SENP7: variants seen among roughly 807,000 people sequenced by gnomAD.
The protein encoded by SENP7 is SUMO specific peptidase 7, also known as sentrin-specific protease 7.
Under a neutral mutation model 141.2 loss-of-function variants are expected in SENP7, and 64 were observed. That is an observed-to-expected ratio of 0.45 (90% CI 0.37 to 0.56). The LOEUF (loss-of-function observed/expected upper bound fraction) is 0.56, where lower values mean the gene tolerates loss of function less well. Among genes scored for constraint, SENP7 ranks in the 20% least tolerant of loss-of-function variants. The probability of loss-of-function intolerance (pLI) is 0.00; values close to 1 mark genes in which losing one functional copy is unlikely to be tolerated. For missense variants in SENP7, 1,025 were observed against 1,212.2 expected (o/e 0.85, Z 2.29); for synonymous variants, 382 against 426.4 (o/e 0.90, Z 1.28).
chr3:101,433,856 G>C (rs1233989811), intron 4 of SENP7, among the ~76,000 whole-genome samples: 3 of 152,050 alleles, frequency 2.0e-5, no homozygotes, highest in African/African-American at 7.2e-5. Context: ...GCACTGGACA[G>C]ATCTTCCAGA....
intron 4 of SENP7, among the ~76,000 whole-genome samples, chr3:101,444,942 C>T (rs2107795325): frequency 6.6e-6 from 1 of 151,446 alleles, no homozygotes; most frequent in African/African-American, 2.4e-5. Flanking sequence ...CTAAAATTTC[C>T]CAACTCTTAT....
At chr3:101,369,485 C>T (rs1048467644) in intron 7 of SENP7, among the ~76,000 whole-genome samples, 4 of 152,108 alleles carry the variant, frequency 2.6e-5, no homozygotes, top group African/African-American at 9.7e-5. Context: ...GATAGTCAAT[C>T]GCCTTTCAAT....
chr3:101,391,196 T>C (rs1268493357), intron 6 of SENP7, among the ~76,000 whole-genome samples: 1 of 150,738 alleles, frequency 6.6e-6, no homozygotes, highest in Admixed American at 6.6e-5. Flanking sequence ...AGAAAAGCAA[T>C]AACAAACTAA....
chr3:101,432,295 C>T (rs906085470), intron 4 of SENP7, among the ~76,000 whole-genome samples: 11 of 152,178 alleles, frequency 7.2e-5, no homozygotes, highest in African/African-American at 2.4e-4. Flanking sequence ...AGGTAGACTT[C>T]TAAGGTTTTT....
At chr3:101,505,209 T>C (rs2108187172) in intron 1 of SENP7, among the ~76,000 whole-genome samples, 1 of 152,268 alleles carries the variant, frequency 6.6e-6, no homozygotes, top group East Asian at 1.9e-4. Flanking sequence ...CTAGGAGCAG[T>C]GCAGTGAGGG....
chr3:101,487,562 AG>A (rs1409355268), intron 3 of SENP7, among the ~76,000 whole-genome samples: 1 of 152,174 alleles, frequency 6.6e-6, no homozygotes, highest in Non-Finnish European at 1.5e-5. Flanking sequence ...GGTATTTCCT[AG>A]GTATTTTTCC....
rs1303013697 is a variant in SENP7, at chr3:101,497,282, G to T, written c.91-3314C>A. 3.3e-5 allele frequency among the ~76,000 whole-genome samples: 5 copies of T among 152,278 alleles called. No homozygotes were observed. In the East Asian group the frequency reaches 7.7e-4, roughly 23 times the overall value. On this transcript the variant is annotated intron_variant, in intron 2 of 23. Coordinates refer to ENST00000394095, the MANE Select transcript of SENP7 (RefSeq NM_020654.5). ...TGGGAAAATAAATAGACATATGTATGTTGTATGTGTGAACATATATTTTTC... is the reference window on the plus strand; with the variant it reads ...TGGGAAAATAAATAGACATATGTATTTTGTATGTGTGAACATATATTTTTC...
intron 7 of SENP7, among the ~76,000 whole-genome samples, chr3:101,370,884 G>C (rs1014284858): frequency 1.3e-5 from 2 of 152,218 alleles, no homozygotes; most frequent in East Asian, 1.9e-4. Flanking sequence ...TATTAAAAAG[G>C]CTACTAAAAA....
intron 11 of SENP7, chr3:101,357,586 TA>T (rs1045535720): frequency 1.1e-5 from 13 of 1,179,966 alleles, no homozygotes; most frequent in South Asian, 1.0e-4. Context: ...ATTTACAGTT[TA>T]AAAAAAGCTG....
Position 101,450,798 on chromosome 3 carries a change from A to G in SENP7, c.284+8157T>C, listed in dbSNP as rs563627791. Among the ~76,000 whole-genome samples, 4 of 152,344 alleles carry G rather than the reference A, an allele frequency of 2.6e-5. No homozygotes were observed. The East Asian group carries it at 7.7e-4, about 29-fold the overall frequency. On this transcript the variant is annotated intron_variant, in intron 4 of 23. Transcript: ENST00000394095. ...TATTGACACCCTGACATCACAATTAAAAGAACTAGAGAAGCAAGAGCAAAC... is the reference window on the plus strand; with the variant it reads ...TATTGACACCCTGACATCACAATTAGAAGAACTAGAGAAGCAAGAGCAAAC...
intron 3 of SENP7, among the ~76,000 whole-genome samples, chr3:101,487,837 G>C (rs2064795240): frequency 6.6e-6 from 1 of 152,084 alleles, no homozygotes; most frequent in Non-Finnish European, 1.5e-5. Context: ...TTTTATACCT[G>C]TACCATGCTG....
intron 1 of SENP7, among the ~76,000 whole-genome samples, chr3:101,503,689 T>C (rs1486946286): frequency 2.0e-5 from 3 of 152,202 alleles, no homozygotes; most frequent in Admixed American, 6.5e-5. Context: ...CACATGCCTG[T>C]AATCCCAGCA....
In SENP7 at chr3:101,347,967, C is replaced by T; in HGVS notation, c.1742G>A (p.Ser581Asn). The change falls in exon 13 of 24, where the codon AGT becomes AAT. Residue 581 changes from serine to asparagine, a missense_variant. Around this residue, in one of 4 missense-constraint regions of SENP7, gnomAD observed 228 missense variants for 228.5 expected, o/e 1.00. Coordinates refer to ENST00000394095, the MANE Select transcript of SENP7 (RefSeq NM_020654.5). ...GLWKSKDDNH[S>N]KRSHAILFFW... ...GAAAAGAATAGCATGACTCCTTTTA[C>T]TGTGATTATCATCCTTACTTTTCCA... The T allele has an allele frequency of 1.2e-6, 2 of 1,610,844 alleles. No homozygotes were observed. Among genetic ancestry groups the T allele is most frequent in the South Asian group, 2.2e-5 (2 of 90,804 alleles).
At chr3:101,331,839 T>C in intron 19 of SENP7, 146 bp downstream of exon 19, 4 of 767,168 alleles carry the variant, frequency 5.2e-6, no homozygotes, top group Non-Finnish European at 8.0e-6. Context: ...TGTCTATCAT[T>C]AAAAATTTCA....
chr3:101,330,448 G>C, intron 19 of SENP7, 62 bp from the exon 20 acceptor site: 1 of 1,122,074 alleles, frequency 8.9e-7, no homozygotes, highest in Non-Finnish European at 1.3e-6. Context: ...AGGTAACTTA[G>C]AAAAGCTTAA....
intron 3 of SENP7, among the ~76,000 whole-genome samples, chr3:101,491,763 G>A (rs2064974486): frequency 6.6e-6 from 1 of 152,150 alleles, no homozygotes; most frequent in African/African-American, 2.4e-5. Context: ...AGAATACTGA[G>A]GACAAATCTC....
At chr3:101,474,888 G>A (rs1043094964) in intron 3 of SENP7, among the ~76,000 whole-genome samples, 1 of 152,142 alleles carries the variant, frequency 6.6e-6, no homozygotes, top group African/African-American at 2.4e-5. Context: ...CAACCTGAAT[G>A]TAACTGGTTT....
chr3:101,383,923 G>C (rs944072548), intron 6 of SENP7, among the ~76,000 whole-genome samples: 1 of 152,202 alleles, frequency 6.6e-6, no homozygotes, highest in African/African-American at 2.4e-5. Flanking sequence ...CCAGTTCCGT[G>C]GACCAGAGTG....
chr3:101,499,135 C>T (rs1010869020), intron 2 of SENP7, among the ~76,000 whole-genome samples: 1 of 152,122 alleles, frequency 6.6e-6, no homozygotes, highest in African/African-American at 2.4e-5. Flanking sequence ...TAAGTCTCAA[C>T]TTCCTTGTAA....
Sources: allele counts gnomAD v4.1 joint callset (sites outside exome capture counted in the v4.1 genomes callset), GRCh38; gene constraint gnomAD v4.1.1; regional missense constraint gnomAD v4.1.1; transcripts MANE v1.5; gene names NCBI Gene and HGNC (gene_info 2026-07-23, HGNC 2026-07-21).